Variants in ALDH2 observed in about 807,000 individuals in gnomAD.
ALDH2 encodes the protein aldehyde dehydrogenase, mitochondrial.
Under a neutral mutation model 59.6 loss-of-function variants are expected in ALDH2, and 44 were observed. The observed-to-expected ratio is 0.74, with a 90% CI of 0.58 to 0.95. ALDH2 has a LOEUF of 0.95. Ranked by LOEUF, ALDH2 falls within the 40% of genes least tolerant of loss-of-function variation. The pLI is 0.00. For synonymous variants in ALDH2, 291 were observed against 284.0 expected, an observed-to-expected ratio of 1.02 and a Z score of -0.25; for missense variants, 570 against 696.3, an observed-to-expected ratio of 0.82 and a Z score of 2.04.
At position 111,789,932 on chromosome 12, in the gene ALDH2, C is replaced by T. The variant is rs1477956827; in HGVS notation, c.550C>T (p.Pro184Ser). ...EPVGVCGQIIPWNFPLLMQAW... is the reference protein window; with the variant it reads ...EPVGVCGQIISWNFPLLMQAW... ...TGTGGGGGTGTGCGGGCAGATCATT[C>T]CGGTGAGTCCAGCCTCCCTGGAGTT... Residue 184 changes from proline to serine, a missense_variant and splice_region_variant, in exon 5 of 13, where the codon CCG becomes TCG. Coordinates refer to ENST00000261733, the MANE Select transcript of ALDH2 (RefSeq NM_000690.4). 1 of 1,613,574 alleles carries T rather than the reference C, an allele frequency of 6.2e-7. No individual in the cohort carries two copies. Among genetic ancestry groups the T allele is most frequent in the Non-Finnish European group, 8.5e-7 (1 of 1,179,678 alleles).
intron 5 of ALDH2, 94 bp downstream of exon 5, chr12:111,790,028 C>A: frequency 8.3e-7 from 1 of 1,200,320 alleles, no homozygotes; most frequent in Non-Finnish European, 1.2e-6. Context: ...TGTCGGAAGG[C>A]AGCCTGGGTG....
chr12:111,783,252 T>G lies in ALDH2; in HGVS notation c.314T>G (p.Leu105Arg). The G allele has an allele frequency of 6.2e-7, 1 of 1,613,004 alleles. No homozygotes were observed. Among genetic ancestry groups the G allele is most frequent in the Non-Finnish European group, 8.5e-7 (1 of 1,179,504 alleles). The change falls in exon 3 of 13, where the codon CTG becomes CGG. Residue 105 changes from leucine to arginine, a missense_variant. Physicochemically the swap from Leu to Arg is moderately radical, Grantham distance 102 (BLOSUM62 -2). Coordinates refer to ENST00000261733, the MANE Select transcript of ALDH2 (RefSeq NM_000690.4). ...GACGCATCACACAGGGGCCGGCTGC[T>G]GAACCGCCTGGCCGATCTGATCGAG... ...RMDASHRGRL[L>R]NRLADLIERD...
At chr12:111,769,554 G>A (rs138202608) in intron 1 of ALDH2, among the ~76,000 whole-genome samples, 1 of 151,758 alleles carries the variant, frequency 6.6e-6, no homozygotes, top group African/African-American at 2.4e-5. Flanking sequence ...GAGAGAGAGA[G>A]AATGCAAGCA....
In ALDH2 at chr12:111,792,615, C is replaced by G; in HGVS notation, c.916C>G (p.Gln306Glu). 2 of 1,612,710 alleles carry G rather than the reference C, an allele frequency of 1.2e-6. No individual in the cohort carries two copies. The highest frequency in any genetic ancestry group is 3.3e-4 in the Middle Eastern group (2 of 6,060). The stretch of plus-strand genomic sequence containing the variant: ...TCCCGCAGTGGATTGGGCCGTGGAA[C>G]AGGCCCACTTCGCCCTGTTCTTCAA... ...SDADMDWAVE[Q>E]AHFALFFNQG... Residue 306 changes from glutamine to glutamate, a missense_variant, in exon 9 of 13, where the codon CAG (glutamine) becomes GAG (glutamate). Coordinates refer to ENST00000261733, the MANE Select transcript of ALDH2 (RefSeq NM_000690.4).
intron 1 of ALDH2, among the ~76,000 whole-genome samples, chr12:111,771,232 CA>C (rs1489713496): frequency 6.6e-6 from 1 of 151,956 alleles, no homozygotes; most frequent in Non-Finnish European, 1.5e-5. Flanking sequence ...TCCATCTCTA[CA>C]AAAGCTTAAA....
chr12:111,781,345 T>A (rs757876111), intron 1 of ALDH2, among the ~76,000 whole-genome samples: 2 of 152,158 alleles, frequency 1.3e-5, no homozygotes, highest in African/African-American at 2.4e-5. Context: ...AGGAAGCCTT[T>A]CAGCTTCCAC....
Position 111,791,355 on chromosome 12 carries a change from C to T in ALDH2, c.731C>T (p.Thr244Met), listed in dbSNP as rs543030829. 4.1e-4 allele frequency: 659 copies of T among 1,614,074 alleles called. 4 individuals are homozygous for T. In the South Asian group the frequency reaches 6.6e-3, roughly 16 times the overall value. Residue 244 changes from threonine (T) to methionine (M), a missense_variant, in exon 7 of 13, where the codon ACG (threonine) becomes ATG (methionine). Transcript: ENST00000261733. The stretch of plus-strand genomic sequence containing the variant: ...AACATTGTGCCTGGATTTGGCCCCA[C>T]GGCTGGGGCCGCCATTGCCTCCCAT... ...VVNIVPGFGP[T>M]AGAAIASHED...
At chr12:111,773,429 C>T (rs929986558) in intron 1 of ALDH2, among the ~76,000 whole-genome samples, 4 of 152,164 alleles carry the variant, frequency 2.6e-5, no homozygotes, top group South Asian at 2.1e-4. Context: ...TGTATGTATT[C>T]CCTGCTCCAG....
At chr12:111,784,338 C>G (rs2068294833) in intron 3 of ALDH2, among the ~76,000 whole-genome samples, 1 of 152,184 alleles carries the variant, frequency 6.6e-6, no homozygotes, top group African/African-American at 2.4e-5. Flanking sequence ...CCAGCCTGTT[C>G]TAGTTCCATC....
At position 111,791,280 on chromosome 12, in the gene ALDH2, A is replaced by G. The variant is rs777767582; in HGVS notation, c.682-26A>G. On this transcript the variant is annotated intron_variant, in intron 6 of 12. Transcript: ENST00000261733. ...CCTTCAGAATAGGAGGGTGACTCCC[A>G]ATGTCCCCTGGCTGTTTGCTCACAG... 3.8e-6 allele frequency: 6 copies of G among 1,572,490 alleles called. No homozygotes were observed. The Admixed American group carries it at 5.1e-5, about 13-fold the overall frequency.
intron 9 of ALDH2, among the ~76,000 whole-genome samples, chr12:111,796,182 C>A (rs953832369): frequency 6.6e-6 from 1 of 151,040 alleles, no homozygotes; most frequent in African/African-American, 2.4e-5. Flanking sequence ...ACTATTTGGG[C>A]GTGGTGGTGG....
At chr12:111,804,847 T>A (rs151143780) in intron 12 of ALDH2, among the ~76,000 whole-genome samples, 1 of 151,900 alleles carries the variant, frequency 6.6e-6, no homozygotes, top group Non-Finnish European at 1.5e-5. Flanking sequence ...AATACAAACA[T>A]AAGCTATTAG....
In ALDH2 at chr12:111,816,415, C is replaced by G. The variant is rs905634443; in HGVS notation, c.*6840C>G. 67 of 152,284 alleles carry G rather than the reference C, an allele frequency of 4.4e-4. No homozygotes were observed. The highest frequency in any genetic ancestry group is 1.5e-3 in the African/African-American group (63 of 41,546). The allele number at this position is 152,284 out of a possible 1,614,324, so 9.4% of individuals were successfully genotyped here. A position where few individuals can be genotyped will look rare whatever the true frequency, so the allele number is the denominator to read the frequency against. On this transcript the variant is annotated 3_prime_UTR_variant, in exon 13 of 13. Coordinates refer to ENST00000261733, the MANE Select transcript of ALDH2 (RefSeq NM_000690.4). ...TTTGAACAGTAGGCTCTAGATGTCTCAGTAGATAACCTCAAAGAGCATGGC... is the reference window on the plus strand; with the variant it reads ...TTTGAACAGTAGGCTCTAGATGTCTGAGTAGATAACCTCAAAGAGCATGGC...
At position 111,792,785 on chromosome 12, in the gene ALDH2, G is replaced by T. The variant is rs756204939; in HGVS notation, c.1083+3G>T. 7.8e-6 allele frequency: 12 copies of T among 1,547,650 alleles called. No individual in the cohort carries two copies. The highest frequency in any genetic ancestry group is 8.7e-6 in the Non-Finnish European group (10 of 1,147,032). ...GCAAGACCGAGCAGGGGCCGCAGGT[G>T]AGCCAGGCAGTGCCGCAGGGTCTGG... On this transcript the variant is annotated splice_donor_region_variant and intron_variant, in intron 9 of 12. Coordinates refer to ENST00000261733, the MANE Select transcript of ALDH2 (RefSeq NM_000690.4).
chr12:111,770,727 C>T (rs2068192825), intron 1 of ALDH2, among the ~76,000 whole-genome samples: 1 of 152,108 alleles, frequency 6.6e-6, no homozygotes, highest in Non-Finnish European at 1.5e-5. Flanking sequence ...TCACTCTAAC[C>T]TCCACCTCCT....
chr12:111,768,477 A>G (rs1237111614), intron 1 of ALDH2, among the ~76,000 whole-genome samples: 1 of 152,268 alleles, frequency 6.6e-6, no homozygotes, highest in Non-Finnish European at 1.5e-5. Flanking sequence ...CACAAGCTAA[A>G]AAGGCAGCAG....
chr12:111,792,506 T>C, intron 8 of ALDH2, 92 bp from the exon 9 acceptor site: 1 of 1,402,254 alleles, frequency 7.1e-7, no homozygotes, highest in Non-Finnish European at 9.6e-7. Flanking sequence ...ACCCTTACAG[T>C]GGTGGGAACA....
At position 111,813,082 on chromosome 12, in the gene ALDH2, C is replaced by G. The variant is rs1268861584; in HGVS notation, c.*3507C>G. 6.6e-6 allele frequency: 1 copy of G among 152,186 alleles called. No individual in the cohort carries two copies. The highest frequency in any genetic ancestry group is 1.5e-5 in the Non-Finnish European group (1 of 68,030). 9.4% of individuals were successfully genotyped at this position (152,186 alleles called of 1,614,324 possible). A position where few individuals can be genotyped will look rare whatever the true frequency, so the allele number is the denominator to read the frequency against. ...TTGACAACCTAGACACATTAATCTCCTTGCACTTTTAGTGACAGGAACCCA... is the reference window on the plus strand; with the variant it reads ...TTGACAACCTAGACACATTAATCTCGTTGCACTTTTAGTGACAGGAACCCA... On this transcript the variant is annotated 3_prime_UTR_variant, in exon 13 of 13. Transcript: ENST00000261733.
intron 4 of ALDH2, among the ~76,000 whole-genome samples, chr12:111,789,167 G>A (rs1324025177): frequency 1.2e-4 from 18 of 150,378 alleles, no homozygotes; most frequent in Non-Finnish European, 2.4e-4. Context: ...ACAGGCACCC[G>A]CCACCACGCC....
Sources: allele counts gnomAD v4.1 joint callset (sites outside exome capture counted in the v4.1 genomes callset), GRCh38; gene constraint gnomAD v4.1.1; transcripts MANE v1.5; gene names NCBI Gene and HGNC (gene_info 2026-07-23, HGNC 2026-07-21).